Variants in PODXL observed in about 807,000 individuals in gnomAD.
PODXL encodes podocalyxin like.
Under a neutral mutation model 48.9 loss-of-function variants are expected in PODXL, and 20 were observed. The observed-to-expected ratio is 0.41, with a 90% confidence interval of 0.29 to 0.59. The LOEUF is 0.59. Ranked by LOEUF, PODXL falls within the 20% of genes least tolerant of loss-of-function variation. The probability of loss-of-function intolerance (pLI) is 0.31; values close to 1 mark genes in which losing one functional copy is unlikely to be tolerated. For synonymous variants in PODXL, 295 were observed against 287.4 expected (o/e 1.03, Z -0.27); for missense variants, 606 against 675.1 (o/e 0.90, Z 1.13).
intron 1 of PODXL, among the ~76,000 whole-genome samples, chr7:131,515,130 C>G (rs1316805827): frequency 2.0e-5 from 3 of 152,100 alleles, no homozygotes; most frequent in Admixed American, 2.0e-4. Context: ...CAGATATTGC[C>G]AAATGTCTCC....
chr7:131,554,212 G>A (rs560731811), intron 1 of PODXL, among the ~76,000 whole-genome samples: 17 of 152,216 alleles, frequency 1.1e-4, no homozygotes, highest in Admixed American at 2.0e-4. Context: ...GTCCCTAGAG[G>A]GTGGTGTAGA....
At chr7:131,539,025 G>A (rs1288821502) in intron 1 of PODXL, among the ~76,000 whole-genome samples, 1 of 152,220 alleles carries the variant, frequency 6.6e-6, no homozygotes, top group African/African-American at 2.4e-5. Flanking sequence ...GCTGGCAGGC[G>A]AGGACGGGGA....
At chr7:131,539,538 C>G (rs538402268) in intron 1 of PODXL, among the ~76,000 whole-genome samples, 3 of 152,312 alleles carry the variant, frequency 2.0e-5, no homozygotes, top group Admixed American at 2.0e-4. Flanking sequence ...GCCACGTTGG[C>G]CAGGCTGGTC....
At chr7:131,535,886 C>T (rs561910998) in intron 1 of PODXL, among the ~76,000 whole-genome samples, 5 of 152,152 alleles carry the variant, frequency 3.3e-5, no homozygotes, top group African/African-American at 4.8e-5. Flanking sequence ...CTCAGCCTCC[C>T]GAGTAGCTAG....
At chr7:131,523,159 T>G (rs77953101) in intron 1 of PODXL, among the ~76,000 whole-genome samples, 325 of 152,336 alleles carry the variant, frequency 2.1e-3, no homozygotes, top group African/African-American at 7.6e-3. Context: ...AATTTTTTTG[T>G]GAATCCAATT....
In PODXL at chr7:131,556,395, C is replaced by A. The variant is rs1362255991; in HGVS notation, c.-36G>T. The A allele has an allele frequency of 1.5e-6, 2 of 1,340,952 alleles. No homozygotes were observed. The highest frequency in any genetic ancestry group is 1.5e-5 in the African/African-American group (1 of 66,324). The allele number at this position is 1,340,952 out of a possible 1,614,324, so 83.1% of individuals were successfully genotyped here. A position where few individuals can be genotyped will look rare whatever the true frequency, so the allele number is the denominator to read the frequency against. ...CCTCTGGGCCGGGAGCAGGTGGCTG[C>A]GGTGCCGGCGGAGGATCCGCGCGTC... On this transcript the variant is annotated 5_prime_UTR_variant, in exon 1 of 9. Coordinates refer to ENST00000378555, the MANE Select transcript of PODXL (RefSeq NM_001018111.3).
chr7:131,556,573 A>AGCGGCGGCG lies in PODXL; in HGVS notation c.-223_-215dup, dbSNP rs950879591. ...TGGGGCGCAGAGCCAGTGGCAGAGG[A>AGCGGCGGCG]GCGGCGGCGGCGGCGGCTGCGTCCT... On this transcript the variant is annotated 5_prime_UTR_variant, in exon 1 of 9. Coordinates refer to ENST00000378555, the MANE Select transcript of PODXL (RefSeq NM_001018111.3). 7 of 464,124 alleles carry AGCGGCGGCG rather than the reference A, an allele frequency of 1.5e-5. No individual in the cohort carries two copies. Among genetic ancestry groups the AGCGGCGGCG allele is most frequent in the Middle Eastern group, 6.3e-4 (1 of 1,600 alleles). 28.8% of individuals were successfully genotyped at this position (464,124 alleles called of 1,614,324 possible).
chr7:131,511,896 A>C (rs572377666), intron 1 of PODXL, among the ~76,000 whole-genome samples: 1 of 151,974 alleles, frequency 6.6e-6, no homozygotes, highest in Non-Finnish European at 1.5e-5. Flanking sequence ...CCCCACACAC[A>C]TCCCCTTTAA....
intron 1 of PODXL, among the ~76,000 whole-genome samples, chr7:131,524,076 G>A (rs1290032581): frequency 6.6e-6 from 1 of 152,132 alleles, no homozygotes; most frequent in Non-Finnish European, 1.5e-5. Context: ...TGGGATTACA[G>A]GCGTGAGCCA....
Position 131,556,242 on chromosome 7 carries a change from C to G in PODXL, c.100+18G>C, listed in dbSNP as rs1474853263. The G allele has an allele frequency of 3.4e-6, 5 of 1,466,174 alleles. No homozygotes were observed. In the East Asian group the frequency reaches 1.4e-4, roughly 42 times the overall value. 90.8% of individuals were successfully genotyped at this position (1,466,174 alleles called of 1,614,324 possible). A position where few individuals can be genotyped will look rare whatever the true frequency, so the allele number is the denominator to read the frequency against. ...GGGCACGGTGGGAGTCCCGGCGGAA[C>G]CCAGGCCGGCCACTCACCATTCTGG... On this transcript the variant is annotated intron_variant, in intron 1 of 8. Transcript: ENST00000378555.
chr7:131,538,560 C>A (rs1038435057), intron 1 of PODXL, among the ~76,000 whole-genome samples: 10 of 152,164 alleles, frequency 6.6e-5, no homozygotes, highest in Admixed American at 3.3e-4. Context: ...TAGATACATT[C>A]TTTGGAATGA....
At chr7:131,506,497 C>T in intron 6 of PODXL, 82 bp downstream of exon 6, 1 of 1,508,134 alleles carries the variant, frequency 6.6e-7, no homozygotes, top group South Asian at 1.2e-5. Context: ...ACCACTGTGA[C>T]CCACCCTCCA....
At chr7:131,556,178 G>T (rs1798739428) in intron 1 of PODXL, 82 bp downstream of exon 1, 1 of 1,349,526 alleles carries the variant, frequency 7.4e-7, no homozygotes, top group African/African-American at 1.5e-5. Flanking sequence ...CACGCGGCGC[G>T]CCGGGCTTCC....
At chr7:131,511,845 C>T (rs11979439) in intron 1 of PODXL, among the ~76,000 whole-genome samples, 19,972 of 152,236 alleles carry the variant, frequency 0.13, 1,525 homozygotes, top group Middle Eastern at 0.25. Flanking sequence ...AGGCCCACCA[C>T]ACGTGGAGGC....
At chr7:131,509,743 C>T (rs1797877922) in intron 3 of PODXL, among the ~76,000 whole-genome samples, 158 bp from the exon 4 acceptor site, 2 of 151,992 alleles carry the variant, frequency 1.3e-5, no homozygotes, top group Non-Finnish European at 2.9e-5. Flanking sequence ...TGGAATAACC[C>T]GGCAAAGTCA....
In PODXL at chr7:131,511,336, G is replaced by T; in HGVS notation, c.198C>A (p.Val66=). The T allele has an allele frequency of 6.2e-7, 1 of 1,612,846 alleles. No individual in the cohort carries two copies. The highest frequency in any genetic ancestry group is 8.5e-7 in the Non-Finnish European group (1 of 1,179,988). The change falls in exon 2 of 9, where the codon GTC becomes GTA. Residue 66 remains valine (V), a synonymous_variant. Transcript: ENST00000378555. ...AGATTTCGTTGGCCTTGGAAGTGGGGACTGTGCTCTGCTGGGCTGTATCTG... is the reference window on the plus strand; with the variant it reads ...AGATTTCGTTGGCCTTGGAAGTGGGTACTGTGCTCTGCTGGGCTGTATCTG... ...MATDTAQQST[V]PTSKANEILA...
At chr7:131,546,206 G>C (rs1404465863) in intron 1 of PODXL, among the ~76,000 whole-genome samples, 1 of 152,202 alleles carries the variant, frequency 6.6e-6, no homozygotes, top group Non-Finnish European at 1.5e-5. Context: ...TGCAAGAGAG[G>C]GGGTAGGCTC....
At chr7:131,530,951 G>A (rs1405377019) in intron 1 of PODXL, among the ~76,000 whole-genome samples, 1 of 152,034 alleles carries the variant, frequency 6.6e-6, no homozygotes, top group Non-Finnish European at 1.5e-5. Flanking sequence ...CCAGCTACTC[G>A]GGAGGCTGAG....
At chr7:131,508,872 A>T (rs1453205094) in intron 5 of PODXL, 79 bp downstream of exon 5, 1 of 1,023,356 alleles carries the variant, frequency 9.8e-7, no homozygotes, top group Non-Finnish European at 1.6e-6. Flanking sequence ...ATGCACCTAG[A>T]AAGAACATAC....
Sources: allele counts gnomAD v4.1 joint callset (sites outside exome capture counted in the v4.1 genomes callset), GRCh38; gene constraint gnomAD v4.1.1; transcripts MANE v1.5; gene names NCBI Gene and HGNC (gene_info 2026-07-23, HGNC 2026-07-21).